The following USP36 variants were observed in gnomAD, a reference collection of about 807,000 sequenced individuals.
USP36 encodes the protein ubiquitin carboxyl-terminal hydrolase 36.
Under a neutral mutation model 111.5 loss-of-function variants are expected in USP36, and 59 were observed. The observed-to-expected ratio is 0.53, with a 90% confidence interval of 0.43 to 0.66. The LOEUF is 0.66. USP36 is among the 30% of genes least tolerant of loss of function. The pLI is 0.00. For missense variants in USP36, 1,488 were observed against 1,468.0 expected (o/e 1.01, Z -0.22); for synonymous variants, 628 against 581.0 (o/e 1.08, Z -1.16).
At chr17:78,793,903 C>A (rs1315919630), downstream of USP36, among the ~76,000 whole-genome samples, 1 of 152,108 alleles carries the variant, frequency 6.6e-6, no homozygotes, top group Non-Finnish European at 1.5e-5. Flanking sequence ...TCCCTGGGTT[C>A]CCTGTACTGG....
chr17:78,835,015 A>ATT (rs1241219811), intron 4 of USP36, among the ~76,000 whole-genome samples: 1 of 150,248 alleles, frequency 6.7e-6, no homozygotes, highest in Non-Finnish European at 1.5e-5. Flanking sequence ...ATATATATAT[A>ATT]TATTTTGGAA....
At position 78,807,414 on chromosome 17, in the gene USP36, G is replaced by A. The variant is rs1451642029; in HGVS notation, c.1630C>T (p.His544Tyr). 1 of 1,614,184 alleles carries A rather than the reference G, an allele frequency of 6.2e-7. No individual in the cohort carries two copies. The highest frequency in any genetic ancestry group is 1.1e-5 in the South Asian group (1 of 91,088). ...CCCTGAGCAGTTCTGGGGGAAAAGT[G>A]CTGTGGAGGAGCTGGCTTCTTCACC... Reference protein sequence around the residue: ...KKVKKPAPPQHFSPRTAQGLP... With the variant: ...KKVKKPAPPQYFSPRTAQGLP... The change falls in exon 14 of 21, where the codon CAC (histidine) becomes TAC (tyrosine). Residue 544 changes from histidine (H) to tyrosine (Y), a missense_variant. Coordinates refer to ENST00000449938, the MANE Select transcript of USP36 (RefSeq NM_001385174.1).
At chr17:78,821,397 TATATATATATATATATATA>T in intron 7 of USP36, 1 of 48,604 alleles carries the variant, frequency 2.1e-5, no homozygotes, top group African/African-American at 1.0e-4. Flanking sequence ...AATATATATA[TATATATATATATATATATA>T]TATATTTTTT....
rs368388383 is a variant in USP36, at chr17:78,818,657, G to A, written c.1023+10C>T. 5.6e-5 allele frequency: 90 copies of A among 1,612,668 alleles called. No homozygotes were observed. The highest frequency in any genetic ancestry group is 7.2e-5 in the Non-Finnish European group (85 of 1,178,976). On this transcript the variant is annotated intron_variant, in intron 10 of 20. Coordinates refer to ENST00000449938, the MANE Select transcript of USP36 (RefSeq NM_001385174.1). ...ACGGAGCTGCCTGGGATGGTGTCAC[G>A]AGCGCTCACCTTGGTGATCTTCCCC...
At chr17:78,814,615 C>G in intron 10 of USP36, 63 bp from the exon 11 acceptor site, 2 of 1,571,068 alleles carry the variant, frequency 1.3e-6, no homozygotes, top group Non-Finnish European at 1.7e-6. Flanking sequence ...TCAATTTGCC[C>G]TTTCCATCCA....
intron 8 of USP36, among the ~76,000 whole-genome samples, chr17:78,820,410 C>A (rs376368436): frequency 1.3e-5 from 2 of 152,272 alleles, no homozygotes; most frequent in African/African-American, 4.8e-5. Context: ...CTACAGTGAG[C>A]TATGATTGCG....
downstream of USP36, among the ~76,000 whole-genome samples, chr17:78,793,833 C>A (rs537342050): frequency 1.3e-5 from 2 of 152,126 alleles, no homozygotes; most frequent in Non-Finnish European, 2.9e-5. Context: ...GACACCTGGG[C>A]TTTTTCCTAA....
chr17:78,840,970 C>G (rs921771194), upstream of USP36: 1 of 152,318 alleles, frequency 6.6e-6, no homozygotes, highest in African/African-American at 2.4e-5. Flanking sequence ...GCTTCCGTGT[C>G]GCCTACGTCA....
Position 78,822,018 on chromosome 17 carries a change from C to A in USP36, c.690-14G>T. 6.2e-7 allele frequency: 1 copy of A among 1,613,974 alleles called. No individual in the cohort carries two copies. The highest frequency in any genetic ancestry group is 8.5e-7 in the Non-Finnish European group (1 of 1,179,944). On this transcript the variant is annotated splice_polypyrimidine_tract_variant and intron_variant, in intron 6 of 20. Coordinates refer to ENST00000449938, the MANE Select transcript of USP36 (RefSeq NM_001385174.1). ...TGACGATCCAACCTGAAAAGGAGAC[C>A]CCAGCCTTTAAGGGAAGGGCTCAGC...
At chr17:78,818,008 T>C (rs959512488) in intron 10 of USP36, among the ~76,000 whole-genome samples, 1 of 152,060 alleles carries the variant, frequency 6.6e-6, no homozygotes, top group African/African-American at 2.4e-5. Context: ...TCGCTTGAGC[T>C]TGGGAGGTCA....
In USP36 at chr17:78,806,340, G is replaced by C. The variant is rs1414039549; in HGVS notation, c.2086-54C>G. The C allele has an allele frequency of 4.6e-5, 74 of 1,603,540 alleles. No individual in the cohort carries two copies. The Middle Eastern group carries it at 5.1e-4, about 11-fold the overall frequency. The stretch of plus-strand genomic sequence containing the variant: ...GGTGGTCTAAAAAAGGTTTCCGTGA[G>C]TGAAGAGGGAAAACAAAAGTAACAA... On this transcript the variant is annotated intron_variant, in intron 14 of 20. Transcript: ENST00000449938.
chr17:78,802,084 C>T (rs1434532128), intron 17 of USP36, among the ~76,000 whole-genome samples: 2 of 151,586 alleles, frequency 1.3e-5, no homozygotes, highest in East Asian at 3.9e-4. Context: ...GGTGCACACC[C>T]ACGCGGTCCC....
Position 78,804,690 on chromosome 17 carries a change from A to T in USP36, c.2217-712T>A, listed in dbSNP as rs867627656. Among the ~76,000 whole-genome samples the T allele has an allele frequency of 3.5e-3, 504 of 143,870 alleles. 1 individual carries two copies. The highest frequency in any genetic ancestry group is 0.012 in the African/African-American group (467 of 38,924). 94.4% of individuals were successfully genotyped at this position (143,870 alleles called of 152,430 possible). A position where few individuals can be genotyped will look rare whatever the true frequency, so the allele number is the denominator to read the frequency against. ...CGTGATTTTAAAAGTCAAAAAAAAA[A>T]TTTTTTTTTTTTTAAAAGGCAAAGT... On this transcript the variant is annotated intron_variant, in intron 15 of 20. Transcript: ENST00000449938.
At position 78,813,786 on chromosome 17, in the gene USP36, G is replaced by C; in HGVS notation, c.1252C>G (p.Leu418Val). The C allele has an allele frequency of 1.2e-6, 2 of 1,614,072 alleles. No individual in the cohort carries two copies. Among genetic ancestry groups the C allele is most frequent in the Non-Finnish European group, 1.7e-6 (2 of 1,179,952 alleles). ...TGAGTTTATTACCGCAGATAGAACAGCACGTAGGCCTGCTGGTTCAGAACC... is the reference window on the plus strand; with the variant it reads ...TGAGTTTATTACCGCAGATAGAACACCACGTAGGCCTGCTGGTTCAGAACC... ...KVVLNQQAYV[L>V]FYLRIPGSKK... is the part of the protein sequence containing the mutation. The change falls in exon 12 of 21, where the codon CTG becomes GTG. Residue 418 changes from leucine (L) to valine (V), a missense_variant. Leu to Val is a conservative substitution (Grantham distance 32). Transcript: ENST00000449938.
chr17:78,806,996 G>A lies in USP36; in HGVS notation c.2048C>T (p.Pro683Leu). The A allele has an allele frequency of 6.2e-7, 1 of 1,614,228 alleles. No homozygotes were observed. Among genetic ancestry groups the A allele is most frequent in the Non-Finnish European group, 8.5e-7 (1 of 1,180,030 alleles). The change falls in exon 14 of 21, where the codon CCT (proline) becomes CTT (leucine). Residue 683 changes from proline to leucine, a missense_variant. Physicochemically the swap from Pro to Leu is moderately conservative, Grantham distance 98. Around this residue, in one of 3 missense-constraint regions of USP36, gnomAD observed 1,073 missense variants for 994.1 expected, o/e 1.08. Transcript: ENST00000449938. ...AAGGGCCAGTTTTTTGGCTGGTGGA[G>A]GAGACATGGTGCTTGCAGGCTCAGT... is the stretch of plus-strand genomic sequence containing the variant. ...TTTEPASTMS[P>L]PPAKKLALSA... is the part of the protein sequence containing the mutation.
rs2093807281 is a variant in USP36, at chr17:78,803,458, T to C, written c.2737A>G (p.Arg913Gly). 1.2e-6 allele frequency: 2 copies of C among 1,614,068 alleles called. No homozygotes were observed. Among genetic ancestry groups the C allele is most frequent in the African/African-American group, 1.3e-5 (1 of 74,928 alleles). The part of the protein sequence containing the change: ...CVTDGHHASS[R>G]KRRRKGAEGL... ...TCTGCTCCTTTCCTCCTCCGCTTCC[T>C]GCTGCTCGCGTGGTGGCCGTCCGTA... The change falls in exon 16 of 21, where the codon AGG becomes GGG. Residue 913 changes from arginine (R) to glycine (G), a missense_variant. This residue lies in a region of USP36 where 1,073 missense variants were observed against 994.1 expected (regional missense o/e 1.08). Transcript: ENST00000449938. The surrounding 1 kb of genome is among the most constrained non-coding windows in gnomAD (Gnocchi z 4.6).
intron 4 of USP36, among the ~76,000 whole-genome samples, chr17:78,832,160 A>AAC (rs1405658921): frequency 5.9e-5 from 9 of 152,212 alleles, no homozygotes; most frequent in African/African-American, 1.7e-4. Flanking sequence ...GACAGGACTG[A>AAC]ACTGCGTTCC....
intron 3 of USP36, among the ~76,000 whole-genome samples, chr17:78,787,889 A>G (rs1030677179): frequency 1.6e-4 from 24 of 152,178 alleles, no homozygotes; most frequent in Non-Finnish European, 2.9e-4. Flanking sequence ...AAAGAGGGAG[A>G]TTTGGACACA....
At chr17:78,836,979 A>G (rs956349168) in intron 2 of USP36, among the ~76,000 whole-genome samples, 3 of 152,234 alleles carry the variant, frequency 2.0e-5, no homozygotes, top group Non-Finnish European at 2.9e-5. Context: ...GAGAGGTGCT[A>G]TAAGTGTAAA....
Sources: gnomAD v4.1 joint callset for allele counts (sites outside exome capture counted in the v4.1 genomes callset) on GRCh38, gnomAD v4.1.1 for gene constraint, gnomAD v4.1.1 regional missense constraint, Gnocchi (gnomAD v3.1) non-coding constraint, MANE v1.5 for transcripts, NCBI Gene and HGNC (gene_info 2026-07-23, HGNC 2026-07-21) for gene names.